GTF2I: variants seen among roughly 807,000 people sequenced by gnomAD.
GTF2I encodes the protein general transcription factor IIi, also known as general transcription factor II-I.
In GTF2I, 12 loss-of-function variants were observed where a neutral mutation model predicts 67.6. That is an observed-to-expected ratio of 0.18 (90% CI 0.11 to 0.29). The LOEUF (loss-of-function observed/expected upper bound fraction) is 0.29, where lower values mean the gene tolerates loss of function less well. Ranked by LOEUF, GTF2I falls within the 10% of genes least tolerant of loss-of-function variation. The pLI is 1.00. For synonymous variants in GTF2I, 149 were observed against 197.0 expected, an observed-to-expected ratio of 0.76 and a Z score of 2.04; for missense variants, 271 against 580.1, an observed-to-expected ratio of 0.47 and a Z score of 5.47.
At chr7:74,669,926 T>C (rs1208274483) in intron 1 of GTF2I, among the ~76,000 whole-genome samples, 1 of 152,202 alleles carries the variant, frequency 6.6e-6, no homozygotes, top group Non-Finnish European at 1.5e-5. Context: ...AAGGTACACA[T>C]ACTTCATTTC....
intron 1 of GTF2I, chr7:74,688,860 C>A: frequency 2.7e-6 from 1 of 371,190 alleles, no homozygotes. Context: ...AGAAATTTCA[C>A]TGATTCTGGG....
intron 3 of GTF2I, among the ~76,000 whole-genome samples, chr7:74,695,984 T>G (rs939985911): frequency 3.3e-5 from 5 of 152,084 alleles, no homozygotes; most frequent in African/African-American, 1.2e-4. Flanking sequence ...TACTTTGTTT[T>G]TATTGCTAAT....
intron 6 of GTF2I, 48 bp from the exon 7 acceptor site, chr7:74,705,116 A>C (rs1554400969): frequency 1.8e-6 from 2 of 1,120,530 alleles, no homozygotes; most frequent in African/African-American, 3.0e-5. Context: ...GACATATTAT[A>C]TTTGAAATGT....
At chr7:74,669,965 T>C (rs1302978557) in intron 1 of GTF2I, among the ~76,000 whole-genome samples, 47 of 152,222 alleles carry the variant, frequency 3.1e-4, no homozygotes. Flanking sequence ...GACACTTGTC[T>C]CATTAATTTT....
intron 1 of GTF2I, among the ~76,000 whole-genome samples, chr7:74,666,986 C>G (rs587746342): frequency 2.6e-5 from 4 of 151,050 alleles, no homozygotes; most frequent in Non-Finnish European, 5.9e-5. Flanking sequence ...TCTCAAAAAA[C>G]AAAAACAAAT....
intron 3 of GTF2I, 30 bp from the exon 4 acceptor site, chr7:74,698,928 ATTT>A (rs1301422648): frequency 1.8e-6 from 2 of 1,117,086 alleles, no homozygotes; most frequent in Non-Finnish European, 2.4e-6. Flanking sequence ...CCTTATTATT[ATTT>A]TTTTATTTTA....
At chr7:74,658,415 G>A (rs1380324633) in intron 1 of GTF2I, among the ~76,000 whole-genome samples, 1 of 145,622 alleles carries the variant, frequency 6.9e-6, no homozygotes, top group Non-Finnish European at 1.5e-5. Context: ...CGTGCGGTGG[G>A]GGGGCGCCTC....
At chr7:74,687,234 A>AT (rs1297333595) in intron 1 of GTF2I, among the ~76,000 whole-genome samples, 2 of 148,776 alleles carry the variant, frequency 1.3e-5, no homozygotes, top group Admixed American at 6.7e-5. Context: ...TATTTATTTT[A>AT]TTTTTTTTGA....
rs150768220 is a variant in GTF2I, at chr7:74,679,164, C to T, written c.-5-9960C>T. On this transcript the variant is annotated intron_variant, in intron 1 of 34. Transcript: ENST00000573035. ...CGTGAACTTGGATCACTGCAACCTCCGCCTCCCGGGTTCAAGGGATTCTCC... is the reference window on the plus strand; with the variant it reads ...CGTGAACTTGGATCACTGCAACCTCTGCCTCCCGGGTTCAAGGGATTCTCC... Among the ~76,000 whole-genome samples, 16 of 151,956 alleles carry T rather than the reference C, an allele frequency of 1.1e-4. No individual in the cohort carries two copies. The East Asian group carries it at 1.7e-3, about 17-fold the overall frequency.
chr7:74,691,201 TTTC>T, intron 3 of GTF2I, 90 bp downstream of exon 3: 1 of 999,586 alleles, frequency 1.0e-6, no homozygotes, highest in Middle Eastern at 3.3e-4. Flanking sequence ...TCTTTCTTTC[TTTC>T]TTTCTTTTTT....
At chr7:74,677,128 C>T (rs908347445) in intron 1 of GTF2I, among the ~76,000 whole-genome samples, 1 of 151,964 alleles carries the variant, frequency 6.6e-6, no homozygotes, top group African/African-American at 2.4e-5. Flanking sequence ...AAGATTTAGG[C>T]GGCCTAAAAG....
chr7:74,703,180 A>T (rs1189294383), intron 6 of GTF2I, among the ~76,000 whole-genome samples: 3 of 151,354 alleles, frequency 2.0e-5, no homozygotes, highest in Admixed American at 6.6e-5. Flanking sequence ...ATGATTTGTT[A>T]AAAAAAAATT....
intron 15 of GTF2I, 97 bp from the exon 16 acceptor site, chr7:74,733,826 A>T: frequency 1.6e-6 from 1 of 638,498 alleles, no homozygotes; most frequent in South Asian, 2.3e-5. Context: ...TTCTTTTCAA[A>T]ACCAGCCTTA....
chr7:74,716,400 G>T (rs587605255), intron 10 of GTF2I, among the ~76,000 whole-genome samples: 4 of 152,238 alleles, frequency 2.6e-5, no homozygotes, highest in Non-Finnish European at 5.9e-5. Flanking sequence ...CAACTTTGAT[G>T]AAATTATGGG....
intron 12 of GTF2I, among the ~76,000 whole-genome samples, chr7:74,720,582 A>G (rs1792825217): frequency 6.6e-6 from 1 of 152,162 alleles, no homozygotes; most frequent in East Asian, 1.9e-4. Context: ...CCTCATTAAC[A>G]GGAAAAAAAC....
At chr7:74,687,589 A>G (rs1392433836) in intron 1 of GTF2I, 1 of 975,974 alleles carries the variant, frequency 1.0e-6, no homozygotes, top group Non-Finnish European at 1.2e-6. Flanking sequence ...TTGATGGGTA[A>G]TCTGGGCTAG....
chr7:74,720,150 CA>C (rs140844638), intron 12 of GTF2I, among the ~76,000 whole-genome samples: 6 of 152,322 alleles, frequency 3.9e-5, no homozygotes, highest in Admixed American at 6.5e-5. Flanking sequence ...CGAAAATACA[CA>C]GATGCTTTCA....
intron 9 of GTF2I, among the ~76,000 whole-genome samples, chr7:74,714,474 GAAAC>G (rs1792006344): frequency 6.6e-6 from 1 of 152,004 alleles, no homozygotes; most frequent in African/African-American, 2.4e-5. Flanking sequence ...TGCCAAAGAA[GAAAC>G]AAATAAACCT....
At position 74,737,281 on chromosome 7, in the gene GTF2I, G is replaced by A. The variant is rs587657203; in HGVS notation, c.1619+598G>A. On this transcript the variant is annotated intron_variant, in intron 18 of 34. Transcript: ENST00000573035. ...AAGGCAAGGATGGCACACCCAGCTC[G>A]GTCACTTGTGCATCCAGAAGAGATG... is the stretch of plus-strand genomic sequence containing the variant. Among the ~76,000 whole-genome samples the A allele has an allele frequency of 8.0e-5, 12 of 149,842 alleles. 1 individual carries two copies. Among genetic ancestry groups the A allele is most frequent in the East Asian group, 4.0e-4 (2 of 5,026 alleles).
Sources: allele counts gnomAD v4.1 joint callset (sites outside exome capture counted in the v4.1 genomes callset), GRCh38; gene constraint gnomAD v4.1.1; transcripts MANE v1.5; gene names NCBI Gene and HGNC (gene_info 2026-07-23, HGNC 2026-07-21).